TGM6: variants seen among roughly 807,000 people sequenced by gnomAD.
TGM6 encodes the protein protein-glutamine gamma-glutamyltransferase 6.
Under a neutral mutation model 77.5 loss-of-function variants are expected in TGM6, and 74 were observed. The observed-to-expected ratio is 0.96, with a 90% confidence interval of 0.79 to 1.16. The LOEUF (loss-of-function observed/expected upper bound fraction) is 1.16, where lower values mean the gene tolerates loss of function less well. Among genes scored for constraint, TGM6 ranks in the 50% most tolerant of loss-of-function variants. The probability of loss-of-function intolerance (pLI) is 0.00; values close to 1 mark genes in which losing one functional copy is unlikely to be tolerated. For missense variants in TGM6, 968 were observed against 940.2 expected (o/e 1.03, Z -0.39); for synonymous variants, 383 against 378.9 (o/e 1.01, Z -0.12).
At chr20:2,396,438 G>T in intron 3 of TGM6, 68 bp from the exon 4 acceptor site, 1 of 1,505,376 alleles carries the variant, frequency 6.6e-7, no homozygotes, top group Non-Finnish European at 9.2e-7. Context: ...GATCCCTGAT[G>T]CAGCCCCTTC....
rs534729288 is a variant in TGM6 at position 2,417,331 on chromosome 20, G to A, written c.1436G>A (p.Arg479His). ...RRIWIRRAGG[R>H]CLWRDDLLEP... ...ATCTGGATCCGCAGGGCTGGGGGTCGCTGTCTCTGGCGTGACGACCTCCTG... is the reference window on the plus strand; with the variant it reads ...ATCTGGATCCGCAGGGCTGGGGGTCACTGTCTCTGGCGTGACGACCTCCTG... Residue 479 changes from arginine (R) to histidine (H), a missense_variant, in exon 10 of 13, where the codon CGC becomes CAC. Arg to His is a conservative substitution (Grantham distance 29). Transcript: ENST00000202625. 5.6e-6 allele frequency: 9 copies of A among 1,613,632 alleles called. No individual in the cohort carries two copies. Among genetic ancestry groups the A allele is most frequent in the East Asian group, 2.2e-5 (1 of 44,868 alleles).
chr20:2,430,680 G>A (rs1010118570), intron 11 of TGM6, 80 bp downstream of exon 11: 37 of 1,607,516 alleles, frequency 2.3e-5, no homozygotes, highest in Non-Finnish European at 2.8e-5. Context: ...AGAAGCTGGG[G>A]GGGTTTGTGC....
chr20:2,420,653 C>T (rs924977884), intron 10 of TGM6, among the ~76,000 whole-genome samples: 30 of 152,324 alleles, frequency 2.0e-4, no homozygotes, highest in African/African-American at 7.0e-4. Context: ...TCCCTCCTTC[C>T]CTTGCCTGAA....
intron 4 of TGM6, 67 bp downstream of exon 4, chr20:2,396,691 C>G: frequency 6.9e-7 from 1 of 1,441,498 alleles, no homozygotes; most frequent in South Asian, 1.2e-5. Flanking sequence ...GGACTGGAGT[C>G]CCTCTGTCTG....
chr20:2,430,788 G>A (rs978622996), intron 11 of TGM6, 106 bp from the exon 12 acceptor site: 3 of 1,602,848 alleles, frequency 1.9e-6, no homozygotes, highest in Non-Finnish European at 2.6e-6. Flanking sequence ...ATATGGAGGT[G>A]GGGGTGGACA....
intron 10 of TGM6, among the ~76,000 whole-genome samples, chr20:2,420,630 C>T (rs1312908156): frequency 6.6e-6 from 1 of 152,204 alleles, no homozygotes; most frequent in African/African-American, 2.4e-5. Flanking sequence ...CAGCTATGTG[C>T]TCCACCTATT....
At chr20:2,396,444 C>T in intron 3 of TGM6, 62 bp from the exon 4 acceptor site, 1 of 1,545,910 alleles carries the variant, frequency 6.5e-7, no homozygotes, top group South Asian at 1.1e-5. Flanking sequence ...TGATGCAGCC[C>T]CTTCCCCAGG....
At chr20:2,425,374 A>G (rs2084880969) in intron 10 of TGM6, among the ~76,000 whole-genome samples, 2 of 152,112 alleles carry the variant, frequency 1.3e-5, no homozygotes, top group South Asian at 4.1e-4. Flanking sequence ...AAGATCACTG[A>G]TCATAGAAGC....
rs1332301598 is a variant in TGM6 at position 2,406,824 on chromosome 20, A to C, written c.1336+3001A>C. On this transcript the variant is annotated intron_variant, in intron 9 of 12. Transcript: ENST00000202625. ...ACTCCACCCTCAGCAACAAGTGCGA[A>C]ACTCCTCAAAAAAAAAAAAAAAAAA... 1.0e-4 allele frequency among the ~76,000 whole-genome samples: 11 copies of C among 108,640 alleles called. No homozygotes were observed. The South Asian group carries it at 1.1e-3, about 11-fold the overall frequency. The allele number at this position is 108,640 out of a possible 152,430, so 71.3% of individuals were successfully genotyped here. A position where few individuals can be genotyped will look rare whatever the true frequency, so the allele number is the denominator to read the frequency against.
intron 1 of TGM6, among the ~76,000 whole-genome samples, chr20:2,394,087 C>T (rs1039259799): frequency 1.3e-5 from 2 of 151,988 alleles, no homozygotes; most frequent in Admixed American, 1.3e-4. Flanking sequence ...GTCAGGAGTT[C>T]GAGACCAGTT....
At chr20:2,405,207 T>C (rs1328933514) in intron 9 of TGM6, among the ~76,000 whole-genome samples, 1 of 152,000 alleles carries the variant, frequency 6.6e-6, no homozygotes, top group East Asian at 1.9e-4. Flanking sequence ...TCCCAGAAGG[T>C]GAGAGATGAA....
rs1275709205 is a variant in TGM6 at position 2,417,471 on chromosome 20, C to T, written c.1576C>T (p.Arg526Trp). The T allele has an allele frequency of 4.3e-6, 7 of 1,610,130 alleles. No individual in the cohort carries two copies. The highest frequency in any genetic ancestry group is 4.2e-6 in the Non-Finnish European group (5 of 1,179,848). ...GGCCAACCTCACCTCCCGGGCCCAG[C>T]GGGTGAGGGTCAACCTGAGCGGTGC... ...CLANLTSRAQRVRVNLSGATI... is the reference protein window; with the variant it reads ...CLANLTSRAQWVRVNLSGATI... Residue 526 changes from arginine (R) to tryptophan (W), a missense_variant, in exon 10 of 13, where the codon CGG becomes TGG. Transcript: ENST00000202625.
At chr20:2,396,401 T>G in intron 3 of TGM6, 105 bp from the exon 4 acceptor site, 1 of 1,152,040 alleles carries the variant, frequency 8.7e-7, no homozygotes, top group East Asian at 2.4e-5. Flanking sequence ...CCTGCCCCAG[T>G]CAGCCTCCGG....
intron 10 of TGM6, 23 bp downstream of exon 10, chr20:2,417,596 G>A: frequency 6.3e-7 from 1 of 1,584,484 alleles, no homozygotes; most frequent in Non-Finnish European, 8.5e-7. Context: ...TGGCTTGGTG[G>A]AATCAGGCCA....
At chr20:2,389,770 C>T (rs756995104) in intron 1 of TGM6, among the ~76,000 whole-genome samples, 2 of 149,242 alleles carry the variant, frequency 1.3e-5, no homozygotes, top group African/African-American at 2.6e-5. Context: ...TGCCATCCTG[C>T]GACTGTAGTG....
Position 2,397,976 on chromosome 20 carries a change from A to C in TGM6, c.602A>C (p.Gln201Pro), listed in dbSNP as rs370126869. 1.9e-6 allele frequency: 3 copies of C among 1,613,996 alleles called. No individual in the cohort carries two copies. The African/African-American group carries it at 4.0e-5, about 22-fold the overall frequency. Residue 201 changes from glutamine (Q) to proline (P), a missense_variant, in exon 5 of 13, where the codon CAA becomes CCA. Coordinates refer to ENST00000202625, the MANE Select transcript of TGM6 (RefSeq NM_198994.3). ...ATCCTGGATCGAAGCCCCGGTCACC[A>C]AAACAACCCAGCCACCGACGTGTCC... is the stretch of plus-strand genomic sequence containing the variant. ...LSILDRSPGH[Q>P]NNPATDVSCR...
intron 4 of TGM6, among the ~76,000 whole-genome samples, chr20:2,397,692 G>A (rs2084678200): frequency 6.6e-6 from 1 of 152,174 alleles, no homozygotes; most frequent in African/African-American, 2.4e-5. Flanking sequence ...ACAGGAGATT[G>A]TTGAGCAGGG....
Position 2,393,114 on chromosome 20 carries a change from T to C in TGM6, c.8-1338T>C, listed in dbSNP as rs73569446. 5.9e-3 allele frequency among the ~76,000 whole-genome samples: 905 copies of C among 152,360 alleles called. 8 individuals carry two copies. Among genetic ancestry groups the C allele is most frequent in the African/African-American group, 0.021 (863 of 41,582 alleles). ...CCTCAACACTTGTGGATTCTGTATATGCACGTTGCTAATATTTATTTTTAA... is the reference window on the plus strand; with the variant it reads ...CCTCAACACTTGTGGATTCTGTATACGCACGTTGCTAATATTTATTTTTAA... On this transcript the variant is annotated intron_variant, in intron 1 of 12. Transcript: ENST00000202625.
intron 7 of TGM6, among the ~76,000 whole-genome samples, chr20:2,402,605 G>A (rs1217255953): frequency 2.0e-5 from 3 of 152,198 alleles, no homozygotes; most frequent in Non-Finnish European, 4.4e-5. Flanking sequence ...ACAGTTGCCT[G>A]CCGAAGAGGA....
Sources: gnomAD v4.1 joint callset for allele counts (sites outside exome capture counted in the v4.1 genomes callset) on GRCh38, gnomAD v4.1.1 for gene constraint, MANE v1.5 for transcripts, NCBI Gene and HGNC (gene_info 2026-07-23, HGNC 2026-07-21) for gene names.